LRCH1: variants seen among roughly 807,000 people sequenced by gnomAD.
LRCH1 encodes leucine-rich repeat and calponin homology domain-containing protein 1.
LRCH1 carries 23 observed loss-of-function variants against 94.9 expected under a neutral mutation model. That is an observed-to-expected ratio of 0.24 (90% CI 0.17 to 0.34). The LOEUF (loss-of-function observed/expected upper bound fraction) is 0.34. Ranked by LOEUF, LRCH1 falls within the 10% of genes least tolerant of loss-of-function variation. LRCH1 has a pLI of 1.00. For synonymous variants in LRCH1, 364 were observed against 354.9 expected (o/e 1.03, Z -0.29); for missense variants, 790 against 945.9 (o/e 0.84, Z 2.16).
Position 46,711,778 on chromosome 13 carries a change from C to T in LRCH1, c.1528-13C>T, listed in dbSNP as rs368726217. 5.8e-5 allele frequency: 93 copies of T among 1,609,184 alleles called. No homozygotes were observed. Among genetic ancestry groups the T allele is most frequent in the Non-Finnish European group, 6.9e-5 (81 of 1,176,928 alleles). On this transcript the variant is annotated splice_polypyrimidine_tract_variant and intron_variant, in intron 13 of 19. Coordinates refer to ENST00000389797, the MANE Select transcript of LRCH1 (RefSeq NM_001164211.2). Reference sequence around the variant, plus strand: ...CTAATGGAACATACCATGCTTTGTTCTTCTTTTTTAAGGTGCAAAGTGATC... The same window carrying T: ...CTAATGGAACATACCATGCTTTGTTTTTCTTTTTTAAGGTGCAAAGTGATC...
intron 1 of LRCH1, among the ~76,000 whole-genome samples, chr13:46,634,354 A>G (rs767892202): frequency 2.0e-5 from 3 of 152,014 alleles, no homozygotes; most frequent in Non-Finnish European, 2.9e-5. Flanking sequence ...ACCCATCTTC[A>G]CCTTATTTCG....
intron 1 of LRCH1, among the ~76,000 whole-genome samples, chr13:46,621,856 GTGT>G (rs2050883871): frequency 2.6e-5 from 4 of 152,112 alleles, no homozygotes; most frequent in Admixed American, 2.6e-4. Context: ...GTGGGAGGAG[GTGT>G]TGTTTTGAGA....
At chr13:46,729,005 A>G (rs2138229483) in intron 18 of LRCH1, 21 bp downstream of exon 18, 2 of 1,607,690 alleles carry the variant, frequency 1.2e-6, no homozygotes, top group Non-Finnish European at 1.7e-6. Flanking sequence ...CCAAAGGGAA[A>G]CTAACTGACA....
At chr13:46,715,521 T>G in intron 15 of LRCH1, 39 bp from the exon 16 acceptor site, 1 of 1,219,864 alleles carries the variant, frequency 8.2e-7, no homozygotes, top group South Asian at 1.3e-5. Flanking sequence ...CTGGTCCTTG[T>G]GCAACTGTAC....
intron 1 of LRCH1, among the ~76,000 whole-genome samples, chr13:46,607,730 A>G (rs938612454): frequency 7.3e-5 from 11 of 151,388 alleles, no homozygotes; most frequent in African/African-American, 2.4e-4. Context: ...ATAAAATCTG[A>G]GGATCTCAGA....
intron 12 of LRCH1, 33 bp downstream of exon 12, chr13:46,705,190 C>T: frequency 6.3e-7 from 1 of 1,588,384 alleles, no homozygotes; most frequent in South Asian, 1.1e-5. Flanking sequence ...ATTATGTTTT[C>T]TCTTTTCATA....
chr13:46,635,838 C>T (rs1361927673), intron 1 of LRCH1, among the ~76,000 whole-genome samples: 1 of 151,906 alleles, frequency 6.6e-6, no homozygotes, highest in Non-Finnish European at 1.5e-5. Context: ...ATCAGTTTTC[C>T]CCTGGCCACC....
intron 1 of LRCH1, among the ~76,000 whole-genome samples, chr13:46,608,567 T>G (rs1021845597): frequency 6.6e-6 from 1 of 152,252 alleles, no homozygotes; most frequent in Non-Finnish European, 1.5e-5. Flanking sequence ...GAAGCCAAGT[T>G]AATTTTCCTG....
At chr13:46,730,290 A>G (rs1245872000) in intron 18 of LRCH1, among the ~76,000 whole-genome samples, 3 of 152,224 alleles carry the variant, frequency 2.0e-5, no homozygotes, top group East Asian at 1.9e-4. Flanking sequence ...AGTATGAAGT[A>G]AGATACTTCA....
intron 3 of LRCH1, chr13:46,680,266 G>A (rs1391571262): frequency 6.6e-6 from 1 of 152,166 alleles, no homozygotes; most frequent in Non-Finnish European, 1.5e-5. Context: ...GTGGATTTTA[G>A]AAGTTTGATC....
At chr13:46,685,757 A>T (rs1870574449) in intron 4 of LRCH1, 148 bp from the exon 5 acceptor site, 7 of 559,138 alleles carry the variant, frequency 1.3e-5, no homozygotes, top group Non-Finnish European at 2.1e-5. Flanking sequence ...TACACACACC[A>T]TGTATTCCTA....
At chr13:46,585,204 A>G (rs2050417355) in intron 1 of LRCH1, among the ~76,000 whole-genome samples, 1 of 152,196 alleles carries the variant, frequency 6.6e-6, no homozygotes, top group Non-Finnish European at 1.5e-5. Flanking sequence ...TCTTACCTGT[A>G]TTTCAAAACA....
At chr13:46,689,575 A>G (rs188203273) in intron 7 of LRCH1, among the ~76,000 whole-genome samples, 2 of 152,320 alleles carry the variant, frequency 1.3e-5, no homozygotes, top group African/African-American at 4.8e-5. Context: ...AGTAATTTAG[A>G]AAAACATTGT....
intron 1 of LRCH1, among the ~76,000 whole-genome samples, chr13:46,641,478 T>C (rs1016132686): frequency 2.0e-5 from 3 of 152,212 alleles, no homozygotes; most frequent in Non-Finnish European, 2.9e-5. Context: ...TACCCAGTTA[T>C]TGAGACATCA....
chr13:46,561,938 T>A (rs1249518451), intron 1 of LRCH1, among the ~76,000 whole-genome samples: 2 of 152,228 alleles, frequency 1.3e-5, no homozygotes, highest in Non-Finnish European at 2.9e-5. Context: ...TTTTTTGTTT[T>A]ATTGCCTTCC....
intron 1 of LRCH1, among the ~76,000 whole-genome samples, chr13:46,623,710 T>C (rs1423423442): frequency 7.1e-6 from 1 of 139,888 alleles, no homozygotes; most frequent in Non-Finnish European, 1.6e-5. Context: ...TTTTTTTTCT[T>C]TTTCTTTTTT....
downstream of LRCH1, chr13:46,744,914 T>C (rs1270408679): frequency 1.0e-6 from 1 of 984,224 alleles, no homozygotes; most frequent in Non-Finnish European, 1.2e-6. Context: ...TGCCCTTTTT[T>C]TCTTCTTTAA....
intron 3 of LRCH1, among the ~76,000 whole-genome samples, chr13:46,671,137 A>G (rs1786531170): frequency 1.3e-5 from 2 of 152,026 alleles, no homozygotes; most frequent in Admixed American, 1.3e-4. Context: ...TCATTTCTGG[A>G]CTTGTGCACA....
chr13:46,647,751 A>C (rs988304140), intron 1 of LRCH1, among the ~76,000 whole-genome samples: 6 of 150,754 alleles, frequency 4.0e-5, no homozygotes, highest in African/African-American at 1.5e-4. Flanking sequence ...TCTCTGATTC[A>C]TCTAGACTTT....
Sources: gnomAD v4.1 joint callset for allele counts (sites outside exome capture counted in the v4.1 genomes callset) on GRCh38, gnomAD v4.1.1 for gene constraint, MANE v1.5 for transcripts, NCBI Gene and HGNC (gene_info 2026-07-23, HGNC 2026-07-21) for gene names.